PPP1R12A: variants seen among roughly 807,000 people sequenced by gnomAD.
PPP1R12A encodes myosin binding subunit.
Under a neutral mutation model 139.6 loss-of-function variants are expected in PPP1R12A, and 19 were observed. That is an observed-to-expected ratio of 0.14 (90% CI 0.09 to 0.20). The LOEUF is 0.20. Ranked by LOEUF, PPP1R12A falls within the 10% of genes least tolerant of loss-of-function variation. PPP1R12A has a pLI of 1.00. For missense variants in PPP1R12A, 925 were observed against 1,211.5 expected, an observed-to-expected ratio of 0.76 and a Z score of 3.51; for synonymous variants, 427 against 420.6, an observed-to-expected ratio of 1.02 and a Z score of -0.19.
At chr12:79,897,950 A>C (rs1468480277) in intron 1 of PPP1R12A, among the ~76,000 whole-genome samples, 1 of 152,218 alleles carries the variant, frequency 6.6e-6, no homozygotes, top group Non-Finnish European at 1.5e-5. Flanking sequence ...CTGTCAAACA[A>C]TGCTAGGAGA....
At chr12:79,875,257 A>G (rs1473837539) in intron 1 of PPP1R12A, among the ~76,000 whole-genome samples, 1 of 152,162 alleles carries the variant, frequency 6.6e-6, no homozygotes, top group Non-Finnish European at 1.5e-5. Flanking sequence ...CATAATCATC[A>G]TCATATTGTC....
chr12:79,903,030 TA>T (rs1043185387), intron 1 of PPP1R12A, among the ~76,000 whole-genome samples: 5 of 152,012 alleles, frequency 3.3e-5, no homozygotes, highest in Admixed American at 2.0e-4. Context: ...CAGTAGCATA[TA>T]AATTCAGTCA....
chr12:79,897,015 A>C (rs1885190218), intron 1 of PPP1R12A, among the ~76,000 whole-genome samples: 2 of 152,248 alleles, frequency 1.3e-5, no homozygotes, highest in Admixed American at 1.3e-4. Context: ...AGAACGATCC[A>C]GCAACCCCAT....
chr12:79,827,118 A>G (rs1876884807), intron 5 of PPP1R12A, among the ~76,000 whole-genome samples: 1 of 152,218 alleles, frequency 6.6e-6, no homozygotes, highest in South Asian at 2.1e-4. Flanking sequence ...TTGTCTTCTA[A>G]TGCTGATTAC....
At chr12:79,857,349 A>G (rs897352161) in intron 2 of PPP1R12A, among the ~76,000 whole-genome samples, 1 of 149,972 alleles carries the variant, frequency 6.7e-6, no homozygotes, top group Non-Finnish European at 1.5e-5. Flanking sequence ...ACCAAACACC[A>G]CATGTTCTCA....
intron 1 of PPP1R12A, chr12:79,913,793 T>C (rs1886782901): frequency 1.3e-5 from 2 of 152,216 alleles, no homozygotes; most frequent in Non-Finnish European, 2.9e-5. Flanking sequence ...TTTACAATAC[T>C]TACAGTCTTT....
chr12:79,832,415 A>C lies in PPP1R12A; in HGVS notation c.564T>G (p.Gly188=), dbSNP rs1877540524. ...TTGCATGCCGGACATCATTTATATG[A>C]CCACTATTTAGCCACTGCCTGGCAT... ...LRDARQWLNS[G]HINDVRHAKS... The change falls in exon 4 of 25, where the codon GGT becomes GGG. Residue 188 remains glycine (G), a synonymous_variant. Transcript: ENST00000450142. 6.2e-7 allele frequency: 1 copy of C among 1,613,564 alleles called. No individual in the cohort carries two copies. The highest frequency in any genetic ancestry group is 8.5e-7 in the Non-Finnish European group (1 of 1,179,662).
At chr12:79,805,545 A>C in intron 14 of PPP1R12A, 47 bp downstream of exon 14, 1 of 1,545,636 alleles carries the variant, frequency 6.5e-7, no homozygotes, top group Non-Finnish European at 8.8e-7. Context: ...AACAACTTTC[A>C]TCACTGGGCA....
chr12:79,796,687 T>A, intron 17 of PPP1R12A, 95 bp downstream of exon 17: 1 of 996,168 alleles, frequency 1.0e-6, no homozygotes, highest in Non-Finnish European at 1.4e-6. Context: ...CAAGTTAGGA[T>A]GCTGTTCCTT....
intron 1 of PPP1R12A, among the ~76,000 whole-genome samples, chr12:79,886,199 G>A (rs1884086985): frequency 6.6e-6 from 1 of 152,146 alleles, no homozygotes; most frequent in South Asian, 2.1e-4. Context: ...CATTTCAAAG[G>A]AGGAATTATG....
intron 22 of PPP1R12A, among the ~76,000 whole-genome samples, chr12:79,784,112 C>G (rs773603640): frequency 2.0e-5 from 3 of 151,924 alleles, no homozygotes; most frequent in Non-Finnish European, 4.4e-5. Flanking sequence ...TGGCAAATAT[C>G]TGACGCAAAT....
At chr12:79,854,040 C>T (rs904301773) in intron 2 of PPP1R12A, among the ~76,000 whole-genome samples, 3 of 152,152 alleles carry the variant, frequency 2.0e-5, no homozygotes, top group Non-Finnish European at 2.9e-5. Flanking sequence ...TTGACCTTAA[C>T]TATTACATAA....
chr12:79,870,798 C>T lies in PPP1R12A; in HGVS notation c.368+2010G>A, dbSNP rs114210010. Among the ~76,000 whole-genome samples, 430 of 152,260 alleles carry T rather than the reference C, an allele frequency of 2.8e-3. 1 individual carries two copies. The highest frequency in any genetic ancestry group is 9.8e-3 in the African/African-American group (407 of 41,546). ...AAACTGCTTACCCTTCCTCATACTT[C>T]TTATATACTAGCATGTAAAAGCTGA... On this transcript the variant is annotated intron_variant, in intron 2 of 24. Transcript: ENST00000450142.
At chr12:79,836,967 C>T (rs896348510) in intron 3 of PPP1R12A, among the ~76,000 whole-genome samples, 6 of 152,046 alleles carry the variant, frequency 3.9e-5, no homozygotes, top group Non-Finnish European at 5.9e-5. Flanking sequence ...AATATCTATC[C>T]CATATGGTTG....
At chr12:79,890,898 C>T (rs1047016207) in intron 1 of PPP1R12A, among the ~76,000 whole-genome samples, 2 of 67,868 alleles carry the variant, frequency 2.9e-5, no homozygotes, top group African/African-American at 1.3e-4. Flanking sequence ...CACCCACCCA[C>T]ACCCACCCAC....
intron 8 of PPP1R12A, among the ~76,000 whole-genome samples, chr12:79,819,733 G>A (rs1028440973): frequency 6.6e-6 from 1 of 152,082 alleles, no homozygotes; most frequent in Non-Finnish European, 1.5e-5. Flanking sequence ...CTTGAGGACA[G>A]GAGTTCAAGA....
At chr12:79,929,683 C>T (rs969268288) in intron 1 of PPP1R12A, among the ~76,000 whole-genome samples, 15 of 151,842 alleles carry the variant, frequency 9.9e-5, no homozygotes, top group African/African-American at 3.4e-4. Flanking sequence ...GCAGGAGAAT[C>T]ACTTGAACCT....
chr12:79,913,391 GAGATGA>G (rs939284377), intron 1 of PPP1R12A, among the ~76,000 whole-genome samples: 5 of 152,188 alleles, frequency 3.3e-5, no homozygotes, highest in African/African-American at 1.2e-4. Flanking sequence ...AGGTACGGGG[GAGATGA>G]AGATGAACTT....
At chr12:79,863,051 T>C (rs1881525038) in intron 2 of PPP1R12A, among the ~76,000 whole-genome samples, 1 of 152,112 alleles carries the variant, frequency 6.6e-6, no homozygotes, top group Non-Finnish European at 1.5e-5. Context: ...GGAAAAAATG[T>C]TAAGGGCAGC....
Sources: gnomAD v4.1 joint callset for allele counts (sites outside exome capture counted in the v4.1 genomes callset) on GRCh38, gnomAD v4.1.1 for gene constraint, MANE v1.5 for transcripts, NCBI Gene and HGNC (gene_info 2026-07-23, HGNC 2026-07-21) for gene names.